NEK7: variants seen among roughly 807,000 people sequenced by gnomAD.
The protein encoded by NEK7 is NIMA related kinase 7.
NEK7 carries 18 observed loss-of-function variants against 44.6 expected under a neutral mutation model. The ratio of observed to expected loss-of-function variants is 0.40; its 90% confidence interval spans 0.28 to 0.60. The LOEUF (loss-of-function observed/expected upper bound fraction) is 0.60, where lower values mean the gene tolerates loss of function less well. Ranked by LOEUF, NEK7 falls within the 20% of genes least tolerant of loss-of-function variation. NEK7 has a pLI of 0.38. For synonymous variants in NEK7, 130 were observed against 121.1 expected (o/e 1.07, Z -0.48); for missense variants, 256 against 366.5 (o/e 0.70, Z 2.46).
At chr1:198,295,754 T>C (rs1371554147) in intron 8 of NEK7, among the ~76,000 whole-genome samples, 1 of 151,292 alleles carries the variant, frequency 6.6e-6, no homozygotes, top group African/African-American at 2.4e-5. Flanking sequence ...ATATATACAG[T>C]GTATTTTTAA....
chr1:198,234,355 A>G (rs939026296), intron 2 of NEK7, among the ~76,000 whole-genome samples: 4 of 152,240 alleles, frequency 2.6e-5, no homozygotes, highest in Non-Finnish European at 5.9e-5. Context: ...ATCATAAATT[A>G]TCAAGATTAT....
chr1:198,160,361 G>GT (rs1664068574), intron 1 of NEK7, among the ~76,000 whole-genome samples: 1 of 150,260 alleles, frequency 6.7e-6, no homozygotes, highest in Admixed American at 6.6e-5. Flanking sequence ...AATGCACAGT[G>GT]TAGTATTTAA....
chr1:198,252,568 A>ATAT (rs1491101432), intron 2 of NEK7, among the ~76,000 whole-genome samples: 2,757 of 62,786 alleles, frequency 0.044, 185 homozygotes, highest in East Asian at 0.12. Context: ...ATATATATAT[A>ATAT]AAAAGTACAT....
chr1:198,175,219 G>A (rs1664572020), intron 1 of NEK7, among the ~76,000 whole-genome samples: 1 of 152,158 alleles, frequency 6.6e-6, no homozygotes, highest in African/African-American at 2.4e-5. Context: ...ATGAGCAGTT[G>A]ATAAGTCTTT....
At chr1:198,190,281 A>T (rs971459366) in intron 1 of NEK7, among the ~76,000 whole-genome samples, 2 of 152,052 alleles carry the variant, frequency 1.3e-5, no homozygotes, top group African/African-American at 4.8e-5. Context: ...CAAACAACAG[A>T]CTTTTAGAGA....
intron 9 of NEK7, among the ~76,000 whole-genome samples, chr1:198,312,118 C>T (rs1222913120): frequency 2.0e-5 from 3 of 152,120 alleles, no homozygotes; most frequent in Non-Finnish European, 4.4e-5. Flanking sequence ...ATTTCAGCTC[C>T]TGTTATTGGT....
chr1:198,272,039 G>T (rs1653869124), intron 5 of NEK7, among the ~76,000 whole-genome samples: 1 of 150,844 alleles, frequency 6.6e-6, no homozygotes, highest in Non-Finnish European at 1.5e-5. Context: ...GTATATGTAG[G>T]TGTGTTGTAT....
intron 1 of NEK7, among the ~76,000 whole-genome samples, chr1:198,215,158 C>G (rs568980376): frequency 6.7e-6 from 1 of 149,456 alleles, no homozygotes; most frequent in Non-Finnish European, 1.5e-5. Flanking sequence ...ACCAGCCATA[C>G]AAGAAATTCT....
chr1:198,158,579 C>T (rs1663991731), intron 1 of NEK7, among the ~76,000 whole-genome samples: 1 of 152,212 alleles, frequency 6.6e-6, no homozygotes, highest in South Asian at 2.1e-4. Context: ...TCCTTGCACT[C>T]AAAAGCTACA....
At chr1:198,180,590 G>A (rs1214977142) in intron 1 of NEK7, among the ~76,000 whole-genome samples, 1 of 151,746 alleles carries the variant, frequency 6.6e-6, no homozygotes, top group African/African-American at 2.4e-5. Context: ...TCCCCCTTTG[G>A]GTACAACATT....
intron 1 of NEK7, among the ~76,000 whole-genome samples, chr1:198,207,947 C>T (rs1256982548): frequency 6.6e-6 from 1 of 152,084 alleles, no homozygotes; most frequent in Admixed American, 6.5e-5. Flanking sequence ...TAATAGAACC[C>T]TTAGAACACT....
chr1:198,158,699 T>C (rs1017921221), intron 1 of NEK7, among the ~76,000 whole-genome samples: 2 of 152,310 alleles, frequency 1.3e-5, no homozygotes, highest in East Asian at 3.9e-4. Context: ...CCGCTGAGTA[T>C]TCTTGGTTTG....
At chr1:198,319,301 G>A (rs1027219711) in intron 9 of NEK7, 111 bp from the exon 10 acceptor site, 2 of 641,388 alleles carry the variant, frequency 3.1e-6, no homozygotes, top group Non-Finnish European at 5.4e-6. Flanking sequence ...TGTTTAGTCA[G>A]AAAATGTACT....
At chr1:198,248,051 G>C (rs1411752872) in intron 2 of NEK7, among the ~76,000 whole-genome samples, 2 of 152,106 alleles carry the variant, frequency 1.3e-5, no homozygotes, top group Non-Finnish European at 2.9e-5. Flanking sequence ...AGAATGTCAT[G>C]TTTGGCTTGG....
At chr1:198,201,903 C>T (rs1174988644) in intron 1 of NEK7, among the ~76,000 whole-genome samples, 1 of 152,118 alleles carries the variant, frequency 6.6e-6, no homozygotes, top group African/African-American at 2.4e-5. Context: ...TAGCATATAT[C>T]GAGATTGGTT....
intron 2 of NEK7, 88 bp downstream of exon 2, chr1:198,232,725 G>A (rs1409048019): frequency 4.3e-6 from 3 of 703,912 alleles, no homozygotes; most frequent in African/African-American, 1.9e-5. Context: ...GTTCCTTTAG[G>A]AAATAAAGTA....
At position 198,321,978 on chromosome 1, in the gene NEK7, G is replaced by T. The variant is rs1655546519; in HGVS notation, c.*2456G>T. ...GAGTAACTTTGTTTTGTATGGTAAG[G>T]TTTAGGAATGGTGGATGAAGGGTAT... is the stretch of plus-strand genomic sequence containing the variant. On this transcript the variant is annotated 3_prime_UTR_variant, in exon 10 of 10. Transcript: ENST00000367385. 1 of 152,104 alleles carries T rather than the reference G, an allele frequency of 6.6e-6. No homozygotes were observed. The allele number at this position is 152,104 out of a possible 1,614,324, so 9.4% of individuals were successfully genotyped here.
At chr1:198,310,980 C>A (rs1368686372) in intron 9 of NEK7, among the ~76,000 whole-genome samples, 1 of 148,934 alleles carries the variant, frequency 6.7e-6, no homozygotes, top group Non-Finnish European at 1.5e-5. Flanking sequence ...TGAAGAAAGT[C>A]ATTGGTAGCT....
intron 3 of NEK7, among the ~76,000 whole-genome samples, chr1:198,258,192 G>C (rs55822392): frequency 0.34 from 51,189 of 152,030 alleles, 9,872 homozygotes; most frequent in East Asian, 0.8. Context: ...TGTAATCCCA[G>C]CATTTTGGGA....
Sources: gnomAD v4.1 joint callset for allele counts (sites outside exome capture counted in the v4.1 genomes callset) on GRCh38, gnomAD v4.1.1 for gene constraint, MANE v1.5 for transcripts, NCBI Gene and HGNC (gene_info 2026-07-23, HGNC 2026-07-21) for gene names.